Variants in THSD7B observed in about 807,000 individuals in gnomAD.
The protein encoded by THSD7B is thrombospondin type-1 domain-containing protein 7B.
Under a neutral mutation model 213.6 loss-of-function variants are expected in THSD7B, and 138 were observed. The observed-to-expected ratio is 0.65, with a 90% confidence interval of 0.56 to 0.74. The LOEUF is 0.74. THSD7B is among the 30% of genes least tolerant of loss of function. The probability of loss-of-function intolerance (pLI) is 0.00; values close to 1 mark genes in which losing one functional copy is unlikely to be tolerated. For missense variants in THSD7B, 1,931 were observed against 1,991.5 expected (o/e 0.97, Z 0.58); for synonymous variants, 742 against 687.0 (o/e 1.08, Z -1.25).
intron 17 of THSD7B, among the ~76,000 whole-genome samples, chr2:137,601,424 A>G (rs897149965): frequency 6.6e-6 from 1 of 152,160 alleles, no homozygotes; most frequent in African/African-American, 2.4e-5. Context: ...ATACAGAAAT[A>G]CCATTGTGTT....
intron 2 of THSD7B, among the ~76,000 whole-genome samples, chr2:136,978,369 GT>G (rs1685518465): frequency 6.6e-6 from 1 of 152,146 alleles, no homozygotes; most frequent in East Asian, 1.9e-4. Context: ...TCGATGATCT[GT>G]CTAATACTGA....
chr2:136,998,261 C>CAAAAAAAAAAAAAAAAAAGAA (rs1685930659), intron 2 of THSD7B, among the ~76,000 whole-genome samples: 1 of 98,404 alleles, frequency 1.0e-5, no homozygotes, highest in African/African-American at 3.5e-5. Context: ...ACTAAAAGGC[C>CAAAAAAAAAAAAAAAAAAGAA]AAAAAAAAAA....
rs922331749 is a variant in THSD7B, at chr2:136,980,212, T to G, written c.140-76208T>G. Among the ~76,000 whole-genome samples, 3 of 152,122 alleles carry G rather than the reference T, an allele frequency of 2.0e-5. No individual in the cohort carries two copies. The East Asian group carries it at 5.8e-4, about 29-fold the overall frequency. On this transcript the variant is annotated intron_variant, in intron 2 of 27. Transcript: ENST00000409968. ...TCTGTAAGATGTCTGGAGACCCCTG[T>G]TGGGAGGTCTCACCCAGTCAGGAGG...
At chr2:137,510,856 T>A (rs1379355388) in intron 15 of THSD7B, among the ~76,000 whole-genome samples, 1 of 152,168 alleles carries the variant, frequency 6.6e-6, no homozygotes, top group Non-Finnish European at 1.5e-5. Flanking sequence ...TCCTTTGTGT[T>A]TATACTATTC....
At chr2:136,892,342 T>A (rs1304302739) in intron 2 of THSD7B, among the ~76,000 whole-genome samples, 1 of 152,144 alleles carries the variant, frequency 6.6e-6, no homozygotes, top group Non-Finnish European at 1.5e-5. Flanking sequence ...GGTGAGAAGA[T>A]AGTTACCTGG....
intron 1 of THSD7B, among the ~76,000 whole-genome samples, chr2:136,864,416 T>C (rs1241204477): frequency 2.6e-5 from 4 of 152,232 alleles, no homozygotes; most frequent in African/African-American, 9.6e-5. Flanking sequence ...ATTTCTACCA[T>C]GCAAATACAA....
intron 11 of THSD7B, among the ~76,000 whole-genome samples, 199 bp downstream of exon 11, chr2:137,272,861 G>T (rs1311664494): frequency 2.6e-5 from 4 of 151,934 alleles, no homozygotes; most frequent in Non-Finnish European, 5.9e-5. Context: ...CTAATTAACA[G>T]GGGGAAAAGG....
In THSD7B at chr2:137,026,207, C is replaced by T. The variant is rs376598306; in HGVS notation, c.140-30213C>T. Reference sequence around the variant, plus strand: ...CACACACTCAGCAGTCCAGGGCCAGCGGTGGAGACTTTGGGACAGGGAATA... The same window carrying T: ...CACACACTCAGCAGTCCAGGGCCAGTGGTGGAGACTTTGGGACAGGGAATA... On this transcript the variant is annotated intron_variant, in intron 2 of 27. Coordinates refer to ENST00000409968, the MANE Select transcript of THSD7B (RefSeq NM_001316349.2). Among the ~76,000 whole-genome samples the T allele has an allele frequency of 5.7e-4, 87 of 152,276 alleles. 1 individual carries two copies. The highest frequency in any genetic ancestry group is 2.1e-3 in the African/African-American group (86 of 41,560).
At chr2:136,955,655 T>G (rs1445197313) in intron 2 of THSD7B, among the ~76,000 whole-genome samples, 3 of 152,208 alleles carry the variant, frequency 2.0e-5, no homozygotes, top group African/African-American at 7.2e-5. Flanking sequence ...AGCAATTTCT[T>G]AGAACGTTGC....
At chr2:137,362,059 A>C (rs1198135011) in intron 12 of THSD7B, among the ~76,000 whole-genome samples, 1 of 152,206 alleles carries the variant, frequency 6.6e-6, no homozygotes, top group Admixed American at 6.5e-5. Context: ...ACAAGCCAGA[A>C]GAGAGTGGGG....
intron 12 of THSD7B, among the ~76,000 whole-genome samples, chr2:137,310,190 G>C (rs1208720403): frequency 3.9e-5 from 6 of 152,104 alleles, no homozygotes; most frequent in African/African-American, 1.2e-4. Flanking sequence ...TTTAATGATT[G>C]CCATTCTAAC....
chr2:137,101,426 C>G (rs1688147833), intron 4 of THSD7B, among the ~76,000 whole-genome samples: 1 of 152,182 alleles, frequency 6.6e-6, no homozygotes, highest in Admixed American at 6.5e-5. Context: ...AACAGATTCT[C>G]TAAGGAAGCT....
chr2:137,095,555 G>A (rs1021815888), intron 4 of THSD7B, among the ~76,000 whole-genome samples: 25 of 152,212 alleles, frequency 1.6e-4, no homozygotes, highest in African/African-American at 5.5e-4. Flanking sequence ...CTGAAGTTAT[G>A]TAGGTAAGGA....
chr2:137,591,240 C>T (rs565597002), intron 17 of THSD7B, among the ~76,000 whole-genome samples: 1 of 151,810 alleles, frequency 6.6e-6, no homozygotes, highest in African/African-American at 2.4e-5. Flanking sequence ...TTTTTTCCAA[C>T]TAGAATAAAA....
chr2:136,986,673 T>A (rs1685679277), intron 2 of THSD7B, among the ~76,000 whole-genome samples: 1 of 152,208 alleles, frequency 6.6e-6, no homozygotes, highest in South Asian at 2.1e-4. Context: ...TTTAAGGAAA[T>A]GTCAAACAGC....
At chr2:137,426,195 A>G (rs538421418) in intron 14 of THSD7B, among the ~76,000 whole-genome samples, 2 of 152,320 alleles carry the variant, frequency 1.3e-5, no homozygotes, top group African/African-American at 4.8e-5. Context: ...ATAAATGGAA[A>G]GATATCCTGT....
At chr2:137,067,775 G>A (rs188703532) in intron 3 of THSD7B, among the ~76,000 whole-genome samples, 271 of 152,048 alleles carry the variant, frequency 1.8e-3, no homozygotes, top group African/African-American at 6.4e-3. Flanking sequence ...TTTCCTGTGA[G>A]GGCAGAACCA....
chr2:137,108,741 T>C (rs1474666518), intron 4 of THSD7B, among the ~76,000 whole-genome samples: 1 of 152,212 alleles, frequency 6.6e-6, no homozygotes, highest in Non-Finnish European at 1.5e-5. Context: ...CTCATGCAGA[T>C]ACACTCGTGA....
intron 15 of THSD7B, among the ~76,000 whole-genome samples, chr2:137,554,009 T>C (rs978691867): frequency 6.9e-5 from 10 of 144,570 alleles, no homozygotes; most frequent in Non-Finnish European, 1.2e-4. Flanking sequence ...TTTTTCACGA[T>C]TCTTAAAAGA....
Sources: allele counts gnomAD v4.1 joint callset (sites outside exome capture counted in the v4.1 genomes callset), GRCh38; gene constraint gnomAD v4.1.1; transcripts MANE v1.5; gene names NCBI Gene and HGNC (gene_info 2026-07-23, HGNC 2026-07-21).